The following TNFRSF1B variants were observed in gnomAD, a reference collection of about 807,000 sequenced individuals.
TNFRSF1B encodes the protein TNF receptor superfamily member 1B, also known as tumor necrosis factor receptor superfamily member 1B.
TNFRSF1B carries 19 observed loss-of-function variants against 44.6 expected under a neutral mutation model. That is an observed-to-expected ratio of 0.43 (90% CI 0.30 to 0.62). The LOEUF is 0.62. Ranked by LOEUF, TNFRSF1B falls within the 20% of genes least tolerant of loss-of-function variation. The pLI, the probability that TNFRSF1B is intolerant of heterozygous loss-of-function variation, is 0.16. For missense variants in TNFRSF1B, 541 were observed against 619.9 expected (o/e 0.87, Z 1.35); for synonymous variants, 252 against 261.1 (o/e 0.97, Z 0.34).
At chr1:12,191,595 A>C in intron 3 of TNFRSF1B, 179 bp from the exon 4 acceptor site, 1 of 707,762 alleles carries the variant, frequency 1.4e-6, no homozygotes, top group Non-Finnish European at 2.4e-6. Context: ...GGGACTGCGG[A>C]GAGTAGCAGG....
chr1:12,190,836 C>G (rs1032905683), intron 2 of TNFRSF1B, 121 bp from the exon 3 acceptor site: 8 of 1,196,526 alleles, frequency 6.7e-6, no homozygotes, highest in Non-Finnish European at 9.3e-6. Flanking sequence ...GGAATTGGAA[C>G]TCCACAGAAT....
At chr1:12,203,661 A>G (rs1252413632) in intron 9 of TNFRSF1B, among the ~76,000 whole-genome samples, 1 of 152,176 alleles carries the variant, frequency 6.6e-6, no homozygotes, top group Non-Finnish European at 1.5e-5. Flanking sequence ...TGTTGAATGA[A>G]TGAATGAATG....
intron 1 of TNFRSF1B, among the ~76,000 whole-genome samples, chr1:12,167,955 CTG>C (rs1638433586): frequency 1.3e-5 from 2 of 152,344 alleles, no homozygotes; most frequent in East Asian, 3.8e-4. Flanking sequence ...GTACAAGGGA[CTG>C]TGCACCCTTT....
At chr1:12,184,830 A>G (rs955050324) in intron 1 of TNFRSF1B, among the ~76,000 whole-genome samples, 4 of 152,096 alleles carry the variant, frequency 2.6e-5, no homozygotes, top group African/African-American at 2.4e-5. Context: ...GGTTACCCCA[A>G]GGGCACTCGT....
chr1:12,178,525 G>C lies in TNFRSF1B; in HGVS notation c.79-10271G>C, dbSNP rs1222675998. On this transcript the variant is annotated intron_variant, in intron 1 of 9. Coordinates refer to ENST00000376259, the MANE Select transcript of TNFRSF1B (RefSeq NM_001066.3). This position sits in a 1 kb window ranked among gnomAD's most constrained non-coding sequence, Gnocchi z 4.3. ...GGGTGTCAAGGTTGCGGGGAGGCAC[G>C]AGGGAACCAATAATTAACCAAAACT... Among the ~76,000 whole-genome samples the C allele has an allele frequency of 2.6e-5, 4 of 152,168 alleles. No individual in the cohort carries two copies. The highest frequency in any genetic ancestry group is 7.2e-5 in the African/African-American group (3 of 41,436).
rs1182471145 is a variant in TNFRSF1B, at chr1:12,186,337, G to A, written c.79-2459G>A. On this transcript the variant is annotated intron_variant, in intron 1 of 9. Transcript: ENST00000376259. This position sits in a 1 kb window ranked among gnomAD's most constrained non-coding sequence, Gnocchi z 4.8. The stretch of plus-strand genomic sequence containing the variant: ...CAGGCAGTGCTGTGAGGAAGGGGAG[G>A]AGGAGGCACACTGAACCCACCTGCT... 6.6e-6 allele frequency among the ~76,000 whole-genome samples: 1 copy of A among 152,182 alleles called. No homozygotes were observed. Among genetic ancestry groups the A allele is most frequent in the East Asian group, 1.9e-4 (1 of 5,182 alleles).
chr1:12,177,084 C>T lies in TNFRSF1B; in HGVS notation c.78+9915C>T, dbSNP rs997569756. 6.6e-6 allele frequency among the ~76,000 whole-genome samples: 1 copy of T among 152,056 alleles called. No individual in the cohort carries two copies. The highest frequency in any genetic ancestry group is 1.5e-5 in the Non-Finnish European group (1 of 67,988). The stretch of plus-strand genomic sequence containing the variant: ...GTGGTGTGATCTTGGCTCACTGCAA[C>T]CTCTGCCTTCTGAGTTCAAGCGATT... On this transcript the variant is annotated intron_variant, in intron 1 of 9. Coordinates refer to ENST00000376259, the MANE Select transcript of TNFRSF1B (RefSeq NM_001066.3). This position sits in a 1 kb window ranked among gnomAD's most constrained non-coding sequence, Gnocchi z 4.3.
At chr1:12,193,508 G>A (rs1639197558) in intron 6 of TNFRSF1B, among the ~76,000 whole-genome samples, 1 of 152,204 alleles carries the variant, frequency 6.6e-6, no homozygotes, top group Admixed American at 6.5e-5. Context: ...AGGAATTTGA[G>A]GCTGCATTGA....
At chr1:12,179,308 G>A (rs545524229) in intron 1 of TNFRSF1B, among the ~76,000 whole-genome samples, 8 of 152,266 alleles carry the variant, frequency 5.3e-5, no homozygotes, top group East Asian at 1.9e-4. Context: ...ACGGGCCTCC[G>A]CTGTCACTGG....
chr1:12,168,955 C>T lies in TNFRSF1B; in HGVS notation c.78+1786C>T, dbSNP rs559275120. Among the ~76,000 whole-genome samples, 8 of 151,802 alleles carry T rather than the reference C, an allele frequency of 5.3e-5. No individual in the cohort carries two copies. In the South Asian group the frequency reaches 6.2e-4, roughly 12 times the overall value. The stretch of plus-strand genomic sequence containing the variant: ...AGTAAGGTACCTGAACTCTTCCTCG[C>T]GCCTCCCTGCACATGTGCTCCCCCG... On this transcript the variant is annotated intron_variant, in intron 1 of 9. Transcript: ENST00000376259. This position sits in a 1 kb window ranked among gnomAD's most constrained non-coding sequence, Gnocchi z 4.7.
chr1:12,183,720 CCTAT>C (rs376176302), intron 1 of TNFRSF1B, among the ~76,000 whole-genome samples: 6,968 of 91,974 alleles, frequency 0.076, 427 homozygotes, highest in African/African-American at 0.1. Flanking sequence ...ATTCTATCTA[CCTAT>C]CTATCTATCT....
intron 1 of TNFRSF1B, among the ~76,000 whole-genome samples, chr1:12,183,656 T>TTATCTATCTATCTATCTATC (rs76161807): frequency 5.6e-5 from 7 of 125,280 alleles, no homozygotes; most frequent in Admixed American, 8.0e-5. Flanking sequence ...TTTATCTATT[T>TTATCTATCTATCTATCTATC]TATCTATCTA....
chr1:12,173,613 T>C (rs1028649195), intron 1 of TNFRSF1B, among the ~76,000 whole-genome samples: 2 of 152,184 alleles, frequency 1.3e-5, no homozygotes, highest in Non-Finnish European at 2.9e-5. Flanking sequence ...AGGCAGGCGC[T>C]GCAGAGCCTG....
intron 1 of TNFRSF1B, chr1:12,167,681 T>C: frequency 4.5e-6 from 1 of 221,766 alleles, no homozygotes; most frequent in South Asian, 4.2e-5. Flanking sequence ...CAGGGTCCTG[T>C]GTCTGAAGAG....
rs1053113712 is a variant in TNFRSF1B, at chr1:12,209,003, C to T, written c.*1983C>T. 1 of 152,144 alleles carries T rather than the reference C, an allele frequency of 6.6e-6. No individual in the cohort carries two copies. The highest frequency in any genetic ancestry group is 1.5e-5 in the Non-Finnish European group (1 of 68,082). 9.4% of individuals were successfully genotyped at this position (152,144 alleles called of 1,614,324 possible). A position where few individuals can be genotyped will look rare whatever the true frequency, so the allele number is the denominator to read the frequency against. On this transcript the variant is annotated 3_prime_UTR_variant, in exon 10 of 10. Transcript: ENST00000376259. ...GGCCAGGTTTCTGCCCACATTGGACCCACATGAGGACATGATGGAGCGCAC... is the reference window on the plus strand; with the variant it reads ...GGCCAGGTTTCTGCCCACATTGGACTCACATGAGGACATGATGGAGCGCAC...
At chr1:12,167,191 C>T in intron 1 of TNFRSF1B, 22 bp downstream of exon 1, 1 of 1,253,136 alleles carries the variant, frequency 8.0e-7, no homozygotes, top group Non-Finnish European at 1.0e-6. Context: ...GCGCGGCCCA[C>T]GGGGGACAGC....
In TNFRSF1B at chr1:12,178,164, C is replaced by T. The variant is rs1179188319; in HGVS notation, c.79-10632C>T. ...CCCCCTCTCTTTGTAAGTCCATTTC[C>T]TGCCCATTTCTCATGCTAGCTCCAG... is the stretch of plus-strand genomic sequence containing the variant. On this transcript the variant is annotated intron_variant, in intron 1 of 9. Transcript: ENST00000376259. The surrounding 1 kb of genome is among the most constrained non-coding windows in gnomAD (Gnocchi z 4.3). Among the ~76,000 whole-genome samples, 3 of 152,236 alleles carry T rather than the reference C, an allele frequency of 2.0e-5. No individual in the cohort carries two copies. Among genetic ancestry groups the T allele is most frequent in the African/African-American group, 7.2e-5 (3 of 41,456 alleles).
At chr1:12,203,816 GC>G (rs1203503640) in intron 9 of TNFRSF1B, among the ~76,000 whole-genome samples, 5 of 152,068 alleles carry the variant, frequency 3.3e-5, no homozygotes, top group Admixed American at 3.3e-4. Context: ...CGCAGCCTCC[GC>G]CTCCCAGGTT....
chr1:12,187,958 C>T lies in TNFRSF1B; in HGVS notation c.79-838C>T, dbSNP rs1461688134. ...CCCACAGCAGCTGGGGGAGCGGTGC[C>T]CTGCTGGCAGCAGGGGTCTGAGTGG... On this transcript the variant is annotated intron_variant, in intron 1 of 9. Coordinates refer to ENST00000376259, the MANE Select transcript of TNFRSF1B (RefSeq NM_001066.3). This position sits in a 1 kb window ranked among gnomAD's most constrained non-coding sequence, Gnocchi z 5.5. 6.6e-6 allele frequency among the ~76,000 whole-genome samples: 1 copy of T among 152,148 alleles called. No homozygotes were observed. The highest frequency in any genetic ancestry group is 1.5e-5 in the Non-Finnish European group (1 of 67,992).
Sources: gnomAD v4.1 joint callset for allele counts (sites outside exome capture counted in the v4.1 genomes callset) on GRCh38, gnomAD v4.1.1 for gene constraint, Gnocchi (gnomAD v3.1) non-coding constraint, MANE v1.5 for transcripts, NCBI Gene and HGNC (gene_info 2026-07-23, HGNC 2026-07-21) for gene names.